The following FUT8 variants were observed in gnomAD, a reference collection of about 807,000 sequenced individuals.
The protein encoded by FUT8 is fucosyltransferase 8.
Under a neutral mutation model 71.3 loss-of-function variants are expected in FUT8, and 29 were observed. That is an observed-to-expected ratio of 0.41 (90% CI 0.30 to 0.55). The LOEUF (loss-of-function observed/expected upper bound fraction) is 0.55, where lower values mean the gene tolerates loss of function less well. Ranked by LOEUF, FUT8 falls within the 20% of genes least tolerant of loss-of-function variation. The pLI, the probability that FUT8 is intolerant of heterozygous loss-of-function variation, is 0.34. For synonymous variants in FUT8, 254 were observed against 239.3 expected (o/e 1.06, Z -0.57); for missense variants, 544 against 702.1 (o/e 0.77, Z 2.55).
chr14:65,473,447 T>G (rs2066180067), intron 2 of FUT8, among the ~76,000 whole-genome samples: 1 of 152,182 alleles, frequency 6.6e-6, no homozygotes, highest in Non-Finnish European at 1.5e-5. Flanking sequence ...AAATTTTTTC[T>G]TACTTATATA....
chr14:65,502,023 A>G (rs1322230937), intron 2 of FUT8, among the ~76,000 whole-genome samples: 1 of 150,964 alleles, frequency 6.6e-6, no homozygotes, highest in East Asian at 1.9e-4. Context: ...CAGTCCTCTC[A>G]CCTCAGCCAC....
chr14:65,468,170 C>T (rs2066074935), intron 2 of FUT8: 1 of 637,550 alleles, frequency 1.6e-6, no homozygotes, highest in Non-Finnish European at 2.9e-6. Flanking sequence ...CCAGTTTTGC[C>T]ATGATAACAC....
chr14:65,621,799 G>A lies in FUT8; in HGVS notation c.482+5426G>A, dbSNP rs1181282761. On this transcript the variant is annotated intron_variant, in intron 5 of 10. Transcript: ENST00000673929. ...TGGTCTTGAACTCCTGATCTCAGGT[G>A]ATCCGCCCACCTTGGCCTCCCAAAG... 3.3e-5 allele frequency among the ~76,000 whole-genome samples: 5 copies of A among 152,102 alleles called. No homozygotes were observed. The South Asian group carries it at 6.2e-4, about 19-fold the overall frequency.
chr14:65,629,857 C>CACACAA lies in FUT8; in HGVS notation c.597+252_597+253insCACAAA, dbSNP rs879281017. Reference sequence around the variant, plus strand: ...ACACACACACACACACACACACACACAATACAATACAAATATAACATCTTA... The same window carrying CACACAA: ...ACACACACACACACACACACACACACACACAAAATACAATACAAATATAACATCTTA... On this transcript the variant is annotated intron_variant, in intron 6 of 10. Coordinates refer to ENST00000673929, the MANE Select transcript of FUT8 (RefSeq NM_001371533.1). 5.2e-3 allele frequency among the ~76,000 whole-genome samples: 744 copies of CACACAA among 143,978 alleles called. 2 individuals carry two copies. Among genetic ancestry groups the CACACAA allele is most frequent in the South Asian group, 0.021 (95 of 4,422 alleles). 94.5% of individuals were successfully genotyped at this position (143,978 alleles called of 152,430 possible).
rs57884292 is a variant in FUT8, at chr14:65,526,543, GA to G, written c.-227-34793del. The stretch of plus-strand genomic sequence containing the variant: ...TTTACCAGTCTGTGTCTTTTAATTG[GA>G]GCATTTAGCCCATTTACATTTAAGG... On this transcript the variant is annotated intron_variant, in intron 2 of 10. Coordinates refer to ENST00000673929, the MANE Select transcript of FUT8 (RefSeq NM_001371533.1). Among the ~76,000 whole-genome samples the G allele has an allele frequency of 7.9e-3, 1,201 of 152,264 alleles. 8 individuals carry two copies. Among genetic ancestry groups the G allele is most frequent in the African/African-American group, 0.024 (1,003 of 41,548 alleles).
chr14:65,462,147 AAT>A (rs2139587666), intron 2 of FUT8, among the ~76,000 whole-genome samples: 1 of 152,302 alleles, frequency 6.6e-6, no homozygotes, highest in South Asian at 2.1e-4. Flanking sequence ...ATACTGTATT[AAT>A]ATTAGTCTTG....
chr14:65,405,529 ATTTT>A, the FUT8 span, among the ~76,000 whole-genome samples: 2 of 151,852 alleles, frequency 1.3e-5, no homozygotes, highest in African/African-American at 4.8e-5. Context: ...TCCTCTTCTT[ATTTT>A]TTTTACTTTA....
chr14:65,400,481 G>C, the FUT8 span, among the ~76,000 whole-genome samples: 1 of 152,156 alleles, frequency 6.6e-6, no homozygotes, highest in Non-Finnish European at 1.5e-5. Context: ...AGTCTTCCCT[G>C]TTGGTTCAGG....
rs1422914313 is a variant in FUT8, at chr14:65,483,428, T to C, written c.-228+27710T>C. Among the ~76,000 whole-genome samples the C allele has an allele frequency of 3.3e-5, 5 of 152,238 alleles. No homozygotes were observed. Among genetic ancestry groups the C allele is most frequent in the African/African-American group, 1.2e-4 (5 of 41,468 alleles). On this transcript the variant is annotated intron_variant, in intron 2 of 10. Transcript: ENST00000673929. The surrounding 1 kb of genome is among the most constrained non-coding windows in gnomAD (Gnocchi z 4.4). The stretch of plus-strand genomic sequence containing the variant: ...AGCTTTCACTTTTCAAATTACTGTG[T>C]GGCTTTTCTCTCCGGAATGGCTTTA...
In FUT8 at chr14:65,634,099, A is replaced by C. The variant is rs558996379; in HGVS notation, c.597+4493A>C. ...TCATTGAGAACGGGCCATGATGACA[A>C]TGGCGGTTTTGTGGAATAGAAAGGG... On this transcript the variant is annotated intron_variant, in intron 6 of 10. Coordinates refer to ENST00000673929, the MANE Select transcript of FUT8 (RefSeq NM_001371533.1). Among the ~76,000 whole-genome samples, 447 of 152,270 alleles carry C rather than the reference A, an allele frequency of 2.9e-3. 2 individuals are homozygous for C. Among genetic ancestry groups the C allele is most frequent in the African/African-American group, 0.01 (420 of 41,574 alleles).
chr14:65,477,187 T>G (rs751897323), intron 2 of FUT8, among the ~76,000 whole-genome samples: 8 of 152,214 alleles, frequency 5.3e-5, no homozygotes, highest in Non-Finnish European at 1.2e-4. Context: ...ACTTGGTCAC[T>G]TAAGATCTGT....
chr14:65,492,134 A>G (rs2066490953), intron 2 of FUT8, among the ~76,000 whole-genome samples: 1 of 152,216 alleles, frequency 6.6e-6, no homozygotes, highest in Admixed American at 6.5e-5. Context: ...TTGTTGGGAC[A>G]ATCAAGTGAA....
chr14:65,401,751 T>A, the FUT8 span, among the ~76,000 whole-genome samples: 14,501 of 151,540 alleles, frequency 0.096, 930 homozygotes, highest in Non-Finnish European at 0.15. Context: ...TACAAAAAAA[T>A]TTGTGGTGGT....
chr14:65,563,236 G>A (rs1462326836), intron 3 of FUT8, among the ~76,000 whole-genome samples: 1 of 151,944 alleles, frequency 6.6e-6, no homozygotes, highest in African/African-American at 2.4e-5. Context: ...TCATTCTAAA[G>A]ATTGATAATT....
At chr14:65,420,725 C>T (rs532069553) in intron 1 of FUT8, among the ~76,000 whole-genome samples, 4 of 152,144 alleles carry the variant, frequency 2.6e-5, no homozygotes, top group African/African-American at 9.6e-5. Context: ...GTTTGGGGCA[C>T]AGACCCCCAT....
At chr14:65,600,022 T>C (rs978851840) in intron 3 of FUT8, among the ~76,000 whole-genome samples, 2 of 152,094 alleles carry the variant, frequency 1.3e-5, no homozygotes, top group African/African-American at 4.8e-5. Flanking sequence ...GTCTAGAAAA[T>C]TTTTTCAGAA....
chr14:65,379,952 A>G, the FUT8 span, among the ~76,000 whole-genome samples: 30 of 152,188 alleles, frequency 2.0e-4, no homozygotes, highest in Non-Finnish European at 1.6e-4. Flanking sequence ...ATAAGGCACT[A>G]ATCTATTCAG....
chr14:65,425,220 C>T (rs2065364721), intron 1 of FUT8, among the ~76,000 whole-genome samples: 1 of 151,022 alleles, frequency 6.6e-6, no homozygotes, highest in South Asian at 2.1e-4. Flanking sequence ...GGCTGGAGTG[C>T]AATGGCACGA....
At chr14:65,518,359 A>G (rs932159644) in intron 2 of FUT8, among the ~76,000 whole-genome samples, 1 of 152,160 alleles carries the variant, frequency 6.6e-6, no homozygotes, top group Non-Finnish European at 1.5e-5. Context: ...TTGGCTCCCC[A>G]TAGTGAGCTT....
Sources: gnomAD v4.1 joint callset for allele counts (sites outside exome capture counted in the v4.1 genomes callset) on GRCh38, gnomAD v4.1.1 for gene constraint, Gnocchi (gnomAD v3.1) non-coding constraint, MANE v1.5 for transcripts, NCBI Gene and HGNC (gene_info 2026-07-23, HGNC 2026-07-21) for gene names.